Variants in CAPZA2 observed in about 807,000 individuals in gnomAD.
CAPZA2 encodes the protein F-actin-capping protein subunit alpha-2.
In CAPZA2, 13 loss-of-function variants were observed where a neutral mutation model predicts 44.0. The observed-to-expected ratio is 0.30, with a 90% CI of 0.19 to 0.47. The LOEUF (loss-of-function observed/expected upper bound fraction) is 0.47. Ranked by LOEUF, CAPZA2 falls within the 20% of genes least tolerant of loss-of-function variation. The pLI is 1.00. For synonymous variants in CAPZA2, 94 were observed against 108.2 expected, an observed-to-expected ratio of 0.87 and a Z score of 0.81; for missense variants, 244 against 338.6, an observed-to-expected ratio of 0.72 and a Z score of 2.19.
At position 116,862,650 on chromosome 7, in the gene CAPZA2, G is replaced by A; in HGVS notation, c.39G>A (p.Lys13=). 1.3e-6 allele frequency: 2 copies of A among 1,539,904 alleles called. No individual in the cohort carries two copies. The highest frequency in any genetic ancestry group is 1.8e-6 in the Non-Finnish European group (2 of 1,142,092). ...DLEEQLSDEE[K]VRIAAKFIIH... is the part of the protein sequence containing the mutation. ...AGGAGCAGTTGTCTGATGAAGAGAA[G>A]GTAAGAGTCGCGGGGGCGACGGCGC... The change falls in exon 1 of 10, where the codon AAG becomes AAA. Residue 13 remains lysine (K), a splice_region_variant and synonymous_variant. Coordinates refer to ENST00000361183, the MANE Select transcript of CAPZA2 (RefSeq NM_006136.3).
intron 1 of CAPZA2, among the ~76,000 whole-genome samples, chr7:116,867,016 A>G (rs956914631): frequency 7.9e-5 from 12 of 152,166 alleles, no homozygotes; most frequent in Admixed American, 2.6e-4. Context: ...TTTCAGATTT[A>G]TTCTAACTTT....
intron 3 of CAPZA2, among the ~76,000 whole-genome samples, chr7:116,896,583 T>A (rs1198727337): frequency 6.6e-6 from 1 of 152,120 alleles, no homozygotes; most frequent in Non-Finnish European, 1.5e-5. Flanking sequence ...AAAAATGATG[T>A]GGCTAAACTT....
chr7:116,912,614 C>T (rs900695833), intron 8 of CAPZA2, among the ~76,000 whole-genome samples: 1 of 152,088 alleles, frequency 6.6e-6, no homozygotes, highest in Non-Finnish European at 1.5e-5. Context: ...TGGCTTTTTT[C>T]ATTTAACATG....
chr7:116,907,943 A>C (rs1473942367), intron 6 of CAPZA2, among the ~76,000 whole-genome samples: 3 of 152,214 alleles, frequency 2.0e-5, no homozygotes, highest in South Asian at 4.1e-4. Context: ...ATCATGGCAC[A>C]ATAGTCTCAG....
intron 2 of CAPZA2, among the ~76,000 whole-genome samples, chr7:116,890,569 C>A (rs11772511): frequency 0.29 from 7,683 of 26,868 alleles, 1,296 homozygotes; most frequent in East Asian, 0.46. Context: ...TATATATATA[C>A]ACATATATAT....
At chr7:116,906,213 C>T in intron 5 of CAPZA2, 50 bp from the exon 6 acceptor site, 1 of 1,583,426 alleles carries the variant, frequency 6.3e-7, no homozygotes, top group Non-Finnish European at 8.5e-7. Context: ...TAAAGTTGGA[C>T]ATTCCATGGC....
intron 8 of CAPZA2, among the ~76,000 whole-genome samples, chr7:116,913,192 A>G (rs1232328922): frequency 2.6e-5 from 4 of 152,186 alleles, no homozygotes; most frequent in Non-Finnish European, 5.9e-5. Flanking sequence ...TGTATCACAT[A>G]CATGATTTCA....
chr7:116,884,962 G>A (rs1227154494), intron 1 of CAPZA2, among the ~76,000 whole-genome samples: 9 of 152,028 alleles, frequency 5.9e-5, no homozygotes, highest in Non-Finnish European at 1.3e-4. Flanking sequence ...GTAGTATTTC[G>A]TGATTTCAAT....
chr7:116,890,319 G>T (rs1796814255), intron 2 of CAPZA2, among the ~76,000 whole-genome samples: 1 of 151,386 alleles, frequency 6.6e-6, no homozygotes, highest in African/African-American at 2.4e-5. Context: ...GTAAGCTATG[G>T]AATAGAAGTG....
intron 1 of CAPZA2, among the ~76,000 whole-genome samples, chr7:116,864,616 T>C (rs1379326064): frequency 6.6e-6 from 1 of 152,162 alleles, no homozygotes; most frequent in Non-Finnish European, 1.5e-5. Context: ...TCTTGTCACT[T>C]GAGATATCTA....
At chr7:116,884,337 A>G (rs1796735036) in intron 1 of CAPZA2, among the ~76,000 whole-genome samples, 1 of 151,892 alleles carries the variant, frequency 6.6e-6, no homozygotes, top group Non-Finnish European at 1.5e-5. Flanking sequence ...ATCTAGATAC[A>G]TACTAGTACA....
intron 3 of CAPZA2, among the ~76,000 whole-genome samples, chr7:116,897,130 A>G (rs1361804557): frequency 2.6e-5 from 4 of 152,068 alleles, no homozygotes; most frequent in Non-Finnish European, 5.9e-5. Context: ...ACGGGCAATA[A>G]AAGGCTTTCA....
chr7:116,865,160 A>G (rs2115859705), intron 1 of CAPZA2, among the ~76,000 whole-genome samples: 1 of 145,068 alleles, frequency 6.9e-6, no homozygotes, highest in Admixed American at 7.0e-5. Flanking sequence ...TGTTCTTGTG[A>G]CATTATGCGC....
intron 8 of CAPZA2, among the ~76,000 whole-genome samples, chr7:116,914,017 T>G (rs1483446869): frequency 6.6e-6 from 1 of 150,914 alleles, no homozygotes; most frequent in Non-Finnish European, 1.5e-5. Flanking sequence ...TTACAGATAT[T>G]AAAGAAAATT....
intron 1 of CAPZA2, among the ~76,000 whole-genome samples, chr7:116,880,504 TCTC>T (rs1359398477): frequency 6.6e-6 from 1 of 151,406 alleles, no homozygotes; most frequent in African/African-American, 2.4e-5. Flanking sequence ...TTCAAGCAAT[TCTC>T]CTGCCTCAGC....
At chr7:116,904,549 T>C in intron 5 of CAPZA2, 166 bp downstream of exon 5, 5 of 584,940 alleles carry the variant, frequency 8.5e-6, no homozygotes, top group Non-Finnish European at 1.5e-5. Context: ...TTCTGGATAA[T>C]AAATAGATAT....
At chr7:116,911,534 A>G (rs1340151321) in intron 7 of CAPZA2, among the ~76,000 whole-genome samples, 1 of 152,180 alleles carries the variant, frequency 6.6e-6, no homozygotes, top group East Asian at 1.9e-4. Context: ...TAACCCTCAG[A>G]AAGAATCTAG....
In CAPZA2 at chr7:116,919,264, T is replaced by G. The variant is rs1176583030; in HGVS notation, c.*1397T>G. On this transcript the variant is annotated 3_prime_UTR_variant, in exon 10 of 10. Coordinates refer to ENST00000361183, the MANE Select transcript of CAPZA2 (RefSeq NM_006136.3). ...GAATATAATATGAAATTATGACATT[T>G]TGTCTAAATCATCTTTTCTTTAGTT... 6.6e-6 allele frequency: 1 copy of G among 152,626 alleles called. No homozygotes were observed. Among genetic ancestry groups the G allele is most frequent in the Non-Finnish European group, 1.5e-5 (1 of 68,032 alleles). The allele number at this position is 152,626 out of a possible 1,614,324, so 9.5% of individuals were successfully genotyped here.
At chr7:116,888,966 A>T (rs1298007833) in intron 2 of CAPZA2, among the ~76,000 whole-genome samples, 1 of 152,230 alleles carries the variant, frequency 6.6e-6, no homozygotes, top group Non-Finnish European at 1.5e-5. Context: ...AAAAGGGAAA[A>T]AACATTTTCA....
Sources: allele counts gnomAD v4.1 joint callset (sites outside exome capture counted in the v4.1 genomes callset), GRCh38; gene constraint gnomAD v4.1.1; transcripts MANE v1.5; gene names NCBI Gene and HGNC (gene_info 2026-07-23, HGNC 2026-07-21).